FGFR1OP2: variants seen among roughly 807,000 people sequenced by gnomAD.
The protein encoded by FGFR1OP2 is fibroblast growth factor receptor 1 oncogene partner 2.
In FGFR1OP2, 17 loss-of-function variants were observed where a neutral mutation model predicts 35.2. The ratio of observed to expected loss-of-function variants is 0.48; its 90% CI spans 0.33 to 0.73. The LOEUF is 0.73. FGFR1OP2 is among the 30% of genes least tolerant of loss of function. FGFR1OP2 has a pLI of 0.02. For synonymous variants in FGFR1OP2, 105 were observed against 104.6 expected, an observed-to-expected ratio of 1.00 and a Z score of -0.03; for missense variants, 251 against 307.3, an observed-to-expected ratio of 0.82 and a Z score of 1.37.
intron 2 of FGFR1OP2, 42 bp downstream of exon 2, chr12:26,954,335 G>A (rs2129092): frequency 0.055 from 84,997 of 1,547,468 alleles, 3,138 homozygotes; most frequent in African/African-American, 0.16. Flanking sequence ...ATCAAAAGCA[G>A]TCATTGACAT....
chr12:26,962,148 A>G (rs966379094), intron 5 of FGFR1OP2: 5 of 152,188 alleles, frequency 3.3e-5, no homozygotes, highest in African/African-American at 1.2e-4. Context: ...TTAAAAATGT[A>G]TTGATTTTAA....
At chr12:26,950,392 T>G (rs929915318) in intron 1 of FGFR1OP2, among the ~76,000 whole-genome samples, 1 of 151,656 alleles carries the variant, frequency 6.6e-6, no homozygotes. Flanking sequence ...CCGGCTAATT[T>G]TTTTTTTGTA....
intron 1 of FGFR1OP2, chr12:26,953,436 C>G (rs190163453): frequency 6.6e-6 from 1 of 152,140 alleles, no homozygotes. Context: ...CATGTTTTGT[C>G]TCATATTTCT....
chr12:26,958,610 GTATTGTA>G (rs1430963007), intron 4 of FGFR1OP2, among the ~76,000 whole-genome samples: 4 of 152,154 alleles, frequency 2.6e-5, no homozygotes, highest in Non-Finnish European at 5.9e-5. Context: ...CCTTGCCCCA[GTATTGTA>G]TACCAGTTGA....
intron 6 of FGFR1OP2, among the ~76,000 whole-genome samples, chr12:26,964,357 T>C (rs1038099747): frequency 3.3e-5 from 5 of 152,196 alleles, no homozygotes; most frequent in Non-Finnish European, 7.4e-5. Flanking sequence ...TTTACAATTA[T>C]AGCTGCTTAA....
In FGFR1OP2 at chr12:26,963,383, A is replaced by G. The variant is rs1201382623; in HGVS notation, c.552A>G (p.Ala184=). ...TTGACCAGATAACTGAAATGGCAGC[A>G]GTAATGAGGAAAGCCATTGAAATTG... is the stretch of plus-strand genomic sequence containing the variant. ...AHVDQITEMA[A]VMRKAIEIDE... The change falls in exon 6 of 7, where the codon GCA becomes GCG. Residue 184 remains alanine (A), a synonymous_variant. Coordinates refer to ENST00000229395, the MANE Select transcript of FGFR1OP2 (RefSeq NM_015633.3). 6.2e-7 allele frequency: 1 copy of G among 1,609,906 alleles called. No individual in the cohort carries two copies. The highest frequency in any genetic ancestry group is 1.7e-5 in the Admixed American group (1 of 59,634).
At chr12:26,940,482 ATGCGTTCTTTCT>A (rs1938717389) in intron 1 of FGFR1OP2, among the ~76,000 whole-genome samples, 1 of 152,212 alleles carries the variant, frequency 6.6e-6, no homozygotes, top group South Asian at 2.1e-4. Context: ...TGTAATTTAT[ATGCGTTCTTTCT>A]TGCATTCATA....
chr12:26,943,209 T>C (rs2095790281), intron 1 of FGFR1OP2, among the ~76,000 whole-genome samples: 1 of 152,212 alleles, frequency 6.6e-6, no homozygotes, highest in South Asian at 2.1e-4. Flanking sequence ...AGCCAACCTT[T>C]CTCCTTTGAC....
chr12:26,958,396 C>A (rs939538055), intron 4 of FGFR1OP2, among the ~76,000 whole-genome samples: 1 of 152,100 alleles, frequency 6.6e-6, no homozygotes, highest in Non-Finnish European at 1.5e-5. Flanking sequence ...AACATTTTTT[C>A]TAATAAATTT....
At chr12:26,944,696 TATCAGTAATACTGAC>T (rs1391815420) in intron 1 of FGFR1OP2, among the ~76,000 whole-genome samples, 2 of 152,250 alleles carry the variant, frequency 1.3e-5, no homozygotes, top group Admixed American at 6.5e-5. Context: ...TTGGTTTTGG[TATCAGTAATACTGAC>T]ATCAGTTTAT....
In FGFR1OP2 at chr12:26,966,100, A is replaced by G. The variant is rs1462292880; in HGVS notation, c.*1367A>G. 6.6e-6 allele frequency: 1 copy of G among 152,088 alleles called. No homozygotes were observed. The highest frequency in any genetic ancestry group is 1.5e-5 in the Non-Finnish European group (1 of 67,958). 9.4% of individuals were successfully genotyped at this position (152,088 alleles called of 1,614,324 possible). A position where few individuals can be genotyped will look rare whatever the true frequency, so the allele number is the denominator to read the frequency against. On this transcript the variant is annotated 3_prime_UTR_variant, in exon 7 of 7. Transcript: ENST00000229395. ...TCATATATTGGTAAAATTCAAAACT[A>G]CACTTGAGAATTTTTTTATCTTAAG...
intron 4 of FGFR1OP2, among the ~76,000 whole-genome samples, chr12:26,960,019 G>A (rs886565568): frequency 2.0e-5 from 3 of 152,026 alleles, no homozygotes; most frequent in African/African-American, 4.8e-5. Flanking sequence ...AACAAGGAAG[G>A]GAAGAAAGTC....
intron 1 of FGFR1OP2, among the ~76,000 whole-genome samples, chr12:26,949,123 T>A (rs1334771653): frequency 6.6e-6 from 1 of 152,198 alleles, no homozygotes; most frequent in Non-Finnish European, 1.5e-5. Flanking sequence ...TAGTCGTTGA[T>A]TCACCATTAC....
At chr12:26,945,861 CAAA>C (rs74728377) in intron 1 of FGFR1OP2, among the ~76,000 whole-genome samples, 14 of 81,446 alleles carry the variant, frequency 1.7e-4, no homozygotes, top group Non-Finnish European at 1.8e-4. Context: ...AACTCCGTCT[CAAA>C]AAAAAAAAAA....
chr12:26,962,762 G>C (rs1281195295), intron 5 of FGFR1OP2: 2 of 152,104 alleles, frequency 1.3e-5, no homozygotes, highest in Admixed American at 6.5e-5. Context: ...AGCAAAGAAG[G>C]CCATTTAATA....
intron 1 of FGFR1OP2, among the ~76,000 whole-genome samples, chr12:26,945,464 C>T (rs1268135881): frequency 2.0e-5 from 3 of 152,204 alleles, no homozygotes; most frequent in African/African-American, 7.2e-5. Flanking sequence ...TCCTTTTTGA[C>T]TTATTATATA....
At chr12:26,956,510 AT>A in intron 2 of FGFR1OP2, 32 bp from the exon 3 acceptor site, 2 of 805,110 alleles carry the variant, frequency 2.5e-6, no homozygotes, top group Non-Finnish European at 3.7e-6. Flanking sequence ...ATTTGCAGGT[AT>A]TTTCATCCCA....
intron 1 of FGFR1OP2, among the ~76,000 whole-genome samples, chr12:26,949,165 C>T (rs375794229): frequency 4.6e-5 from 7 of 152,172 alleles, no homozygotes; most frequent in African/African-American, 1.7e-4. Flanking sequence ...GATGGAGTTT[C>T]GCTTTTGTTG....
At chr12:26,941,159 A>G (rs2136345983) in intron 1 of FGFR1OP2, among the ~76,000 whole-genome samples, 1 of 152,326 alleles carries the variant, frequency 6.6e-6, no homozygotes, top group Admixed American at 6.5e-5. Context: ...GCCTATAGAA[A>G]ATAATGTAAG....
Sources: gnomAD v4.1 joint callset for allele counts (sites outside exome capture counted in the v4.1 genomes callset) on GRCh38, gnomAD v4.1.1 for gene constraint, MANE v1.5 for transcripts, NCBI Gene and HGNC (gene_info 2026-07-23, HGNC 2026-07-21) for gene names.